Variants in MCPH1 observed in about 807,000 individuals in gnomAD.
MCPH1 encodes the protein microcephalin.
A neutral mutation model predicts 84.5 loss-of-function variants in MCPH1; 104 were observed. The observed-to-expected ratio is 1.23, with a 90% CI of 1.05 to 1.45. The LOEUF is 1.45. MCPH1 is among the 40% of genes most tolerant of loss of function. The pLI is 0.00. For missense variants in MCPH1, 1,498 were observed against 1,005.7 expected, an observed-to-expected ratio of 1.49 and a Z score of -6.62; for synonymous variants, 514 against 366.8, an observed-to-expected ratio of 1.40 and a Z score of -4.58.
At chr8:6,530,578 C>A (rs966601522) in intron 12 of MCPH1, among the ~76,000 whole-genome samples, 1 of 133,988 alleles carries the variant, frequency 7.5e-6, no homozygotes, top group African/African-American at 2.8e-5. Context: ...TAATAATTCG[C>A]TTTAGATATA....
chr8:6,485,050 G>A (rs543728823), intron 11 of MCPH1, among the ~76,000 whole-genome samples: 2 of 152,268 alleles, frequency 1.3e-5, no homozygotes, highest in African/African-American at 4.8e-5. Context: ...ATCTAGGCGG[G>A]GTGCAGTGGC....
intron 3 of MCPH1, among the ~76,000 whole-genome samples, chr8:6,425,995 G>A (rs983931537): frequency 1.3e-5 from 2 of 152,148 alleles, no homozygotes; most frequent in African/African-American, 4.8e-5. Flanking sequence ...TTTTGCTTGA[G>A]TAAGAAGAAG....
chr8:6,556,825 A>C (rs1824699855), intron 12 of MCPH1, among the ~76,000 whole-genome samples: 1 of 151,954 alleles, frequency 6.6e-6, no homozygotes, highest in Non-Finnish European at 1.5e-5. Context: ...CTGGCCTCAA[A>C]GTGTCTTCCC....
chr8:6,580,789 C>T (rs1827508478), intron 12 of MCPH1, among the ~76,000 whole-genome samples: 1 of 152,200 alleles, frequency 6.6e-6, no homozygotes, highest in Non-Finnish European at 1.5e-5. Flanking sequence ...GTAGTTAGTG[C>T]ATCCCTTAAA....
chr8:6,586,421 C>A (rs373563596), intron 12 of MCPH1, among the ~76,000 whole-genome samples: 1 of 152,226 alleles, frequency 6.6e-6, no homozygotes, highest in East Asian at 1.9e-4. Context: ...TGTCCTCCAG[C>A]CTCCACGCTT....
intron 12 of MCPH1, among the ~76,000 whole-genome samples, chr8:6,553,298 A>G (rs1436458355): frequency 6.6e-6 from 1 of 152,180 alleles, no homozygotes; most frequent in African/African-American, 2.4e-5. Flanking sequence ...CATTTACTAC[A>G]TATGAAAAGG....
At chr8:6,445,896 T>A in intron 8 of MCPH1, 1 of 1,023,510 alleles carries the variant, frequency 9.8e-7, no homozygotes, top group Non-Finnish European at 1.2e-6. Flanking sequence ...TGTGTAAAGA[T>A]GTATACGATA....
At chr8:6,460,245 T>C (rs1806133329) in intron 9 of MCPH1, among the ~76,000 whole-genome samples, 1 of 152,180 alleles carries the variant, frequency 6.6e-6, no homozygotes, top group African/African-American at 2.4e-5. Flanking sequence ...TGTATCTCCT[T>C]ATTTCATTCT....
intron 9 of MCPH1, among the ~76,000 whole-genome samples, chr8:6,471,184 C>A (rs1807672145): frequency 2.6e-5 from 4 of 152,150 alleles, no homozygotes; most frequent in Admixed American, 2.0e-4. Flanking sequence ...AAGTACCAGG[C>A]TTCTTTCCCC....
intron 13 of MCPH1, chr8:6,625,348 C>A (rs1831956342): frequency 1.0e-6 from 1 of 985,336 alleles, no homozygotes; most frequent in Non-Finnish European, 1.2e-6. Context: ...TGGATGTGTC[C>A]TCATCATCCC....
chr8:6,584,828 G>A (rs1322028819), intron 12 of MCPH1, among the ~76,000 whole-genome samples: 3 of 152,172 alleles, frequency 2.0e-5, no homozygotes, highest in Non-Finnish European at 2.9e-5. Context: ...TGCCAAACAG[G>A]TTTGGTCAAA....
In MCPH1 at chr8:6,457,652, C is replaced by G. The variant is rs914342464; in HGVS notation, c.1935+2400C>G. Among the ~76,000 whole-genome samples, 12 of 152,260 alleles carry G rather than the reference C, an allele frequency of 7.9e-5. 1 individual carries two copies. The highest frequency in any genetic ancestry group is 3.4e-3 in the Middle Eastern group (1 of 294). On this transcript the variant is annotated intron_variant, in intron 9 of 13. Transcript: ENST00000344683. ...ATTTTCTGGCCCCACCTGAGACCCT[C>G]CTGGCCAGCAGCTCCCGACCCCAGT...
intron 11 of MCPH1, among the ~76,000 whole-genome samples, chr8:6,483,231 G>C (rs1809450459): frequency 6.6e-6 from 1 of 152,198 alleles, no homozygotes; most frequent in Admixed American, 6.5e-5. Flanking sequence ...ACATAGTACA[G>C]TGAACATGTC....
intron 9 of MCPH1, among the ~76,000 whole-genome samples, chr8:6,461,619 C>T (rs552327350): frequency 1.3e-5 from 2 of 152,018 alleles, no homozygotes; most frequent in Non-Finnish European, 2.9e-5. Context: ...GGATTACAGG[C>T]GTGAGCCACC....
chr8:6,522,523 C>G (rs1176670782), intron 12 of MCPH1, among the ~76,000 whole-genome samples: 1 of 152,270 alleles, frequency 6.6e-6, no homozygotes, highest in East Asian at 1.9e-4. Flanking sequence ...CCTATAATCC[C>G]AGCACTTTGG....
Position 6,480,769 on chromosome 8 carries a change from C to G in MCPH1, c.2029C>G (p.Pro677Ala). The change falls in exon 11 of 14, where the codon CCA becomes GCA. Residue 677 changes from proline to alanine, a missense_variant. By Grantham distance (27) the Pro-to-Ala change is conservative (BLOSUM62 -1). Coordinates refer to ENST00000344683, the MANE Select transcript of MCPH1 (RefSeq NM_024596.5). ...TAAATTGAAAGGCTTTTCAATTGCACCAGACGTCTGTGAGACCACGACTCA... is the reference window on the plus strand; with the variant it reads ...TAAATTGAAAGGCTTTTCAATTGCAGCAGACGTCTGTGAGACCACGACTCA... The part of the protein sequence containing the change: ...VDKLKGFSIA[P>A]DVCETTTHVL... 1 of 1,614,180 alleles carries G rather than the reference C, an allele frequency of 6.2e-7. No individual in the cohort carries two copies. The highest frequency in any genetic ancestry group is 8.5e-7 in the Non-Finnish European group (1 of 1,180,030).
At chr8:6,633,722 G>C (rs1797330562) in intron 13 of MCPH1, among the ~76,000 whole-genome samples, 2 of 152,156 alleles carry the variant, frequency 1.3e-5, no homozygotes, top group African/African-American at 4.8e-5. Context: ...CACGTGTGCA[G>C]GCTGGACGCA....
intron 12 of MCPH1, among the ~76,000 whole-genome samples, chr8:6,516,471 A>G (rs915826946): frequency 2.0e-5 from 3 of 152,196 alleles, no homozygotes; most frequent in Non-Finnish European, 4.4e-5. Flanking sequence ...CATGCTGCCA[A>G]AAACAGAGAA....
chr8:6,520,142 TTTCC>T, intron 12 of MCPH1: 1 of 819,758 alleles, frequency 1.2e-6, no homozygotes, highest in Non-Finnish European at 1.8e-6. Context: ...TTCTAGAAAG[TTTCC>T]TTTCAGCCTG....
Sources: gnomAD v4.1 joint callset for allele counts (sites outside exome capture counted in the v4.1 genomes callset) on GRCh38, gnomAD v4.1.1 for gene constraint, MANE v1.5 for transcripts, NCBI Gene and HGNC (gene_info 2026-07-23, HGNC 2026-07-21) for gene names.